Variants in PCDH11X observed in about 807,000 individuals in gnomAD.
The protein encoded by PCDH11X is protocadherin 11 X-linked, also known as protocadherin-11 X-linked.
Under a neutral mutation model 53.3 loss-of-function variants are expected in PCDH11X, and 18 were observed. The observed-to-expected ratio is 0.34, with a 90% CI of 0.23 to 0.50. PCDH11X has a LOEUF of 0.50. Ranked by LOEUF, PCDH11X falls within the 20% of genes least tolerant of loss-of-function variation. The pLI is 0.98. For missense variants in PCDH11X, 570 were observed against 1,032.4 expected, an observed-to-expected ratio of 0.55 and a Z score of 6.14; for synonymous variants, 279 against 393.3, an observed-to-expected ratio of 0.71 and a Z score of 3.44.
At chrX:91,943,873 AG>A (rs1433420751) in intron 6 of PCDH11X, among the ~76,000 whole-genome samples, 1 of 105,708 alleles carries the variant, frequency 9.5e-6, no homozygotes, top group Non-Finnish European at 1.9e-5. Flanking sequence ...GAAAAAAAAA[AG>A]CCACAGGCTT....
intron 8 of PCDH11X, among the ~76,000 whole-genome samples, chrX:92,313,298 G>C: frequency 9.1e-6 from 1 of 110,221 alleles, no homozygotes; most frequent in Non-Finnish European, 1.9e-5. Flanking sequence ...TTTGTCTGCA[G>C]ATGATAACAC....
At chrX:91,807,384 T>A (rs1444830194) in intron 1 of PCDH11X, among the ~76,000 whole-genome samples, 2 of 108,978 alleles carry the variant, frequency 1.8e-5, no homozygotes, top group African/African-American at 6.7e-5. Context: ...ACAGGAAGAA[T>A]CAATAACTAA....
chrX:92,514,154 C>A (rs907741643), intron 10 of PCDH11X, among the ~76,000 whole-genome samples: 4 of 109,861 alleles, frequency 3.6e-5, no homozygotes, highest in African/African-American at 1.3e-4. Flanking sequence ...ATGAGCAATT[C>A]TTCTATAAAC....
Position 92,348,511 on chromosome X carries a change from C to CATTATTATT in PCDH11X, c.3145-39193_3145-39185dup, listed in dbSNP as rs200025065. Reference sequence around the variant, plus strand: ...CAGAGAAATCAAACATCAAAATTATCATTATTATTATTATTATTATTATTA... The same window carrying CATTATTATT: ...CAGAGAAATCAAACATCAAAATTATCATTATTATTATTATTATTATTATTATTATTATTA... On this transcript the variant is annotated intron_variant, in intron 8 of 10. Transcript: ENST00000682573. Among the ~76,000 whole-genome samples the CATTATTATT allele has an allele frequency of 2.7e-4, 25 of 93,573 alleles. No individual in the cohort carries two copies. The East Asian group carries it at 3.5e-3, about 13-fold the overall frequency. 81.3% of individuals were successfully genotyped at this position (93,573 alleles called of 115,157 possible). A position where few individuals can be genotyped will look rare whatever the true frequency, so the allele number is the denominator to read the frequency against.
chrX:91,987,367 C>A (rs1390701853), intron 6 of PCDH11X, among the ~76,000 whole-genome samples: 2 of 111,938 alleles, frequency 1.8e-5, no homozygotes, highest in Non-Finnish European at 3.8e-5. Context: ...CAGGCATGAG[C>A]CACCACACTC....
intron 8 of PCDH11X, among the ~76,000 whole-genome samples, chrX:92,365,594 C>A (rs1245701802): frequency 1.8e-5 from 2 of 110,989 alleles, no homozygotes; most frequent in African/African-American, 6.6e-5. Flanking sequence ...ATGCATTGTG[C>A]TATGATGTTA....
intron 6 of PCDH11X, among the ~76,000 whole-genome samples, chrX:92,152,790 TG>T (rs1299668898): frequency 1.7e-3 from 184 of 105,602 alleles, no homozygotes; most frequent in East Asian, 9.8e-3. Context: ...TATGTATGTA[TG>T]TATGTATTTA....
chrX:92,055,578 T>C (rs1283626117), intron 6 of PCDH11X, among the ~76,000 whole-genome samples: 2 of 110,689 alleles, frequency 1.8e-5, no homozygotes, highest in African/African-American at 6.6e-5. Context: ...TTTTAACTTT[T>C]AAATTCAGGG....
intron 1 of PCDH11X, among the ~76,000 whole-genome samples, chrX:91,789,079 G>A (rs1935433035): frequency 9.4e-6 from 1 of 106,236 alleles, no homozygotes; most frequent in African/African-American, 3.4e-5. Flanking sequence ...CTGCGCGCCT[G>A]TACTCCCAGC....
chrX:91,976,005 C>T (rs2062041190), intron 6 of PCDH11X, among the ~76,000 whole-genome samples: 1 of 111,120 alleles, frequency 9.0e-6, no homozygotes, highest in African/African-American at 3.3e-5. Context: ...ATAGACCCAT[C>T]GTGTCATATT....
intron 6 of PCDH11X, among the ~76,000 whole-genome samples, chrX:92,039,494 C>T (rs2063178128): frequency 9.1e-6 from 1 of 110,039 alleles, no homozygotes; most frequent in Non-Finnish European, 1.9e-5. Context: ...GTGGACACCA[C>T]CACCACCAGC....
intron 6 of PCDH11X, among the ~76,000 whole-genome samples, chrX:92,185,609 G>A (rs768088273): frequency 1.8e-5 from 2 of 111,100 alleles, no homozygotes; most frequent in South Asian, 7.5e-4. Context: ...CAAAGTATTC[G>A]CCAACAAGAG....
At chrX:92,428,340 G>A (rs113959420) in intron 9 of PCDH11X, among the ~76,000 whole-genome samples, 75 of 111,474 alleles carry the variant, frequency 6.7e-4, no homozygotes, top group Middle Eastern at 4.6e-3. Flanking sequence ...GTCCCACCAA[G>A]GTGAGAGTAA....
chrX:91,819,630 C>CT (rs71231693), intron 4 of PCDH11X, among the ~76,000 whole-genome samples: 12,096 of 96,457 alleles, frequency 0.13, 1,948 homozygotes, highest in African/African-American at 0.42. Flanking sequence ...GCAAGCATTT[C>CT]TTTTTTTTTT....
intron 6 of PCDH11X, among the ~76,000 whole-genome samples, chrX:92,122,854 T>C (rs1205524125): frequency 9.0e-6 from 1 of 110,918 alleles, no homozygotes. Flanking sequence ...GGAGAGTTGC[T>C]TGAACCTGGG....
chrX:92,383,789 C>A (rs1271317749), intron 8 of PCDH11X, among the ~76,000 whole-genome samples: 3 of 111,791 alleles, frequency 2.7e-5, no homozygotes, highest in Non-Finnish European at 5.6e-5. Context: ...TAAACATACA[C>A]GTGCATGAGT....
intron 5 of PCDH11X, among the ~76,000 whole-genome samples, chrX:91,848,530 T>A (rs1290065171): frequency 1.8e-5 from 2 of 112,051 alleles, no homozygotes; most frequent in African/African-American, 6.5e-5. Flanking sequence ...ATTTTTGTTA[T>A]ACTTTCCTGT....
chrX:92,509,803 G>C (rs2074131536), intron 10 of PCDH11X, among the ~76,000 whole-genome samples: 1 of 111,526 alleles, frequency 9.0e-6, no homozygotes, highest in African/African-American at 3.3e-5. Context: ...CCAAAAATCA[G>C]GTTCATAAAA....
At chrX:92,573,434 C>T (rs1001034990) in intron 10 of PCDH11X, among the ~76,000 whole-genome samples, 2 of 110,933 alleles carry the variant, frequency 1.8e-5, no homozygotes, top group African/African-American at 3.3e-5. Context: ...CTGACAAACT[C>T]ATGCTTGAGT....
Sources: allele counts gnomAD v4.1 joint callset (sites outside exome capture counted in the v4.1 genomes callset), GRCh38; gene constraint gnomAD v4.1.1; transcripts MANE v1.5; gene names NCBI Gene and HGNC (gene_info 2026-07-23, HGNC 2026-07-21).